ATP11C: variants seen among roughly 807,000 people sequenced by gnomAD.
The protein encoded by ATP11C is phospholipid-transporting ATPase IG.
In ATP11C, 36 loss-of-function variants were observed where a neutral mutation model predicts 97.4. The observed-to-expected ratio is 0.37, with a 90% CI of 0.28 to 0.49. The LOEUF is 0.49. Ranked by LOEUF, ATP11C falls within the 20% of genes least tolerant of loss-of-function variation. The probability of loss-of-function intolerance (pLI) is 0.98; values close to 1 mark genes in which losing one functional copy is unlikely to be tolerated. For synonymous variants in ATP11C, 275 were observed against 290.9 expected (o/e 0.95, Z 0.56); for missense variants, 730 against 824.6 (o/e 0.89, Z 1.40).
At position 139,751,310 on chromosome X, in the gene ATP11C, A is replaced by C. The variant is rs1041260216; in HGVS notation, c.2701-1158T>G. Among the ~76,000 whole-genome samples the C allele has an allele frequency of 8.0e-5, 9 of 112,171 alleles. No individual in the cohort carries two copies. The Admixed American group carries it at 8.5e-4, about 11-fold the overall frequency. On this transcript the variant is annotated intron_variant, in intron 23 of 29. Transcript: ENST00000682941. ...GAGCTGGGGAAACCCAGAGGAGGGG[A>C]CTACAACTCTGGCTGGCAGGAGAGA... is the stretch of plus-strand genomic sequence containing the variant.
intron 1 of ATP11C, among the ~76,000 whole-genome samples, chrX:139,875,458 C>T (rs1338197353): frequency 1.9e-5 from 2 of 107,366 alleles, no homozygotes; most frequent in Admixed American, 1.0e-4. Flanking sequence ...ATTAGCTGGG[C>T]GAGGTGGCAC....
At chrX:139,901,481 G>A (rs1239420829) in intron 1 of ATP11C, among the ~76,000 whole-genome samples, 1 of 111,610 alleles carries the variant, frequency 9.0e-6, no homozygotes, top group Non-Finnish European at 1.9e-5. Flanking sequence ...GATTGCTGAT[G>A]GCTGCGGGGC....
intron 1 of ATP11C, among the ~76,000 whole-genome samples, chrX:139,914,235 T>G (rs1408683624): frequency 8.9e-6 from 1 of 112,102 alleles, no homozygotes; most frequent in African/African-American, 3.2e-5. Flanking sequence ...TCTCAGTCCA[T>G]TTTCCCAGCT....
intron 25 of ATP11C, 126 bp downstream of exon 25, chrX:139,745,596 T>C (rs988665287): frequency 1.5e-6 from 1 of 683,435 alleles, no homozygotes; most frequent in Non-Finnish European, 2.1e-6. Flanking sequence ...AACTAACTAC[T>C]GTATCTTCAG....
At chrX:139,831,824 A>ATC (rs1341093854) in intron 1 of ATP11C, among the ~76,000 whole-genome samples, 2 of 111,521 alleles carry the variant, frequency 1.8e-5, no homozygotes, top group East Asian at 5.6e-4. Flanking sequence ...TATTAACAGA[A>ATC]TCTTTCCTAA....
intron 23 of ATP11C, among the ~76,000 whole-genome samples, chrX:139,754,511 G>A (rs770101970): frequency 7.2e-5 from 8 of 111,461 alleles, no homozygotes; most frequent in Admixed American, 1.9e-4. Context: ...ATTCTGATAC[G>A]GAAACCTTGG....
chrX:139,847,488 C>T (rs906027435), intron 1 of ATP11C, among the ~76,000 whole-genome samples: 2 of 110,095 alleles, frequency 1.8e-5, no homozygotes, highest in Non-Finnish European at 3.8e-5. Context: ...TCTGCTTGAG[C>T]CCAGGAGTTC....
chrX:139,762,570 G>A (rs2082058994), intron 21 of ATP11C, among the ~76,000 whole-genome samples: 1 of 111,182 alleles, frequency 9.0e-6, no homozygotes, highest in African/African-American at 3.3e-5. Context: ...AGCTCGAGCA[G>A]CTTTAGGCCA....
Position 139,783,233 on chromosome X carries a change from C to G in ATP11C, c.1701G>C (p.Ser567=), listed in dbSNP as rs754306921. ...GATTTTGCACTCTGGGAAAAACTGC[C>G]GAGTCTGCTCCTTTACAAAAGAGAA... The part of the protein sequence containing the change: ...DILLFCKGAD[S]AVFPRVQNHE... The change falls in exon 17 of 30, where the codon TCG becomes TCC. Residue 567 remains serine, a synonymous_variant. Coordinates refer to ENST00000682941, the MANE Select transcript of ATP11C (RefSeq NM_001353812.2). 2.5e-6 allele frequency: 3 copies of G among 1,205,319 alleles called. No homozygotes were observed. Among genetic ancestry groups the G allele is most frequent in the Non-Finnish European group, 3.4e-6 (3 of 890,747 alleles).
At chrX:139,886,869 T>A (rs1395893828) in intron 1 of ATP11C, among the ~76,000 whole-genome samples, 1 of 109,173 alleles carries the variant, frequency 9.2e-6, no homozygotes, top group African/African-American at 3.3e-5. Context: ...CAAAATTATA[T>A]GGAAAAAATA....
intron 6 of ATP11C, among the ~76,000 whole-genome samples, chrX:139,804,182 G>A (rs1312904546): frequency 9.0e-6 from 1 of 111,066 alleles, no homozygotes; most frequent in Non-Finnish European, 1.9e-5. Flanking sequence ...CCATTTTAGA[G>A]TCTAAATATT....
rs746043215 is a variant in ATP11C, at chrX:139,866,510, G to A, written c.28-39687C>T. Among the ~76,000 whole-genome samples the A allele has an allele frequency of 2.5e-3, 268 of 109,324 alleles. 1 individual carries two copies. The highest frequency in any genetic ancestry group is 8.5e-3 in the African/African-American group (255 of 30,121). The allele number at this position is 109,324 out of a possible 115,157, so 94.9% of individuals were successfully genotyped here. A position where few individuals can be genotyped will look rare whatever the true frequency, so the allele number is the denominator to read the frequency against. On this transcript the variant is annotated intron_variant, in intron 1 of 29. Transcript: ENST00000682941. ...AGGTGGGCCGATCGCTTGAGTTCAG[G>A]AGTCTGAGACCAGTCTAGACAACAT...
At chrX:139,856,632 G>A (rs2084093939) in intron 1 of ATP11C, among the ~76,000 whole-genome samples, 2 of 112,227 alleles carry the variant, frequency 1.8e-5, no homozygotes, top group South Asian at 7.4e-4. Flanking sequence ...TGACTCTCAC[G>A]TCTATTTAGA....
intron 26 of ATP11C, among the ~76,000 whole-genome samples, chrX:139,741,725 C>T (rs1216312428): frequency 8.9e-6 from 1 of 111,765 alleles, no homozygotes; most frequent in Non-Finnish European, 1.9e-5. Flanking sequence ...AGATTTTAAT[C>T]TCTTCATGTT....
chrX:139,832,276 G>A, intron 1 of ATP11C: 2 of 1,166,476 alleles, frequency 1.7e-6, no homozygotes, highest in Non-Finnish European at 2.3e-6. Context: ...ACCAACCCCT[G>A]TGATCCTTGT....
At position 139,787,211 on chromosome X, in the gene ATP11C, T is replaced by C; in HGVS notation, c.1554A>G (p.Gly518=). Residue 518 remains glycine (G), a synonymous_variant, in exon 15 of 30, where the codon GGA becomes GGG. Transcript: ENST00000682941. The part of the protein sequence containing the change: ...YGFTFLGNRN[G]YMRVENQRKE... The stretch of plus-strand genomic sequence containing the variant: ...TTCTTTGGTTCTCTACTCTCATATA[T>C]CCATTTCGATTTCCTAAAAATGTGA... 8.4e-7 allele frequency: 1 copy of C among 1,191,506 alleles called. No individual in the cohort carries two copies. The highest frequency in any genetic ancestry group is 1.1e-6 in the Non-Finnish European group (1 of 877,934).
chrX:139,891,958 G>A (rs1309976483), intron 1 of ATP11C, among the ~76,000 whole-genome samples: 2 of 110,893 alleles, frequency 1.8e-5, no homozygotes, highest in Non-Finnish European at 3.8e-5. Flanking sequence ...CCAGGTTCAA[G>A]CAATTCTCAT....
At chrX:139,878,737 G>A (rs1384782371) in intron 1 of ATP11C, among the ~76,000 whole-genome samples, 1 of 110,995 alleles carries the variant, frequency 9.0e-6, no homozygotes. Context: ...TTTGAGTTGG[G>A]TCTAGGATTT....
intron 18 of ATP11C, among the ~76,000 whole-genome samples, chrX:139,775,763 C>T (rs1218694834): frequency 8.9e-6 from 1 of 112,780 alleles, no homozygotes; most frequent in Non-Finnish European, 1.9e-5. Flanking sequence ...GGACAGAGAT[C>T]CAGGTGGCCA....
Sources: gnomAD v4.1 joint callset for allele counts (sites outside exome capture counted in the v4.1 genomes callset) on GRCh38, gnomAD v4.1.1 for gene constraint, MANE v1.5 for transcripts, NCBI Gene and HGNC (gene_info 2026-07-23, HGNC 2026-07-21) for gene names.